MAP3K4: variants seen among roughly 807,000 people sequenced by gnomAD.
The protein encoded by MAP3K4 is mitogen-activated protein kinase kinase kinase 4.
Under a neutral mutation model 185.6 loss-of-function variants are expected in MAP3K4, and 67 were observed. The ratio of observed to expected loss-of-function variants is 0.36; its 90% CI spans 0.30 to 0.44. The LOEUF (loss-of-function observed/expected upper bound fraction) is 0.44, where lower values mean the gene tolerates loss of function less well. Ranked by LOEUF, MAP3K4 falls within the 20% of genes least tolerant of loss-of-function variation. MAP3K4 has a pLI of 1.00. For synonymous variants in MAP3K4, 702 were observed against 710.4 expected (o/e 0.99, Z 0.19); for missense variants, 1,551 against 1,995.1 (o/e 0.78, Z 4.24).
intron 1 of MAP3K4, among the ~76,000 whole-genome samples, chr6:160,999,967 T>C (rs904239286): frequency 6.6e-6 from 1 of 152,200 alleles, no homozygotes; most frequent in Non-Finnish European, 1.5e-5. Context: ...GAAGAGCCAA[T>C]GCTCAGAAAT....
intron 1 of MAP3K4, among the ~76,000 whole-genome samples, chr6:161,011,823 TG>T (rs1311131196): frequency 6.6e-6 from 1 of 152,202 alleles, no homozygotes; most frequent in Non-Finnish European, 1.5e-5. Context: ...AGTAGCTCAC[TG>T]CTGCAGTCCA....
At chr6:161,000,726 CACAT>C (rs555799332) in intron 1 of MAP3K4, among the ~76,000 whole-genome samples, 83 of 150,930 alleles carry the variant, frequency 5.5e-4, no homozygotes, top group African/African-American at 2.0e-3. Flanking sequence ...TATATACACA[CACAT>C]ACACACACAT....
At chr6:161,105,831 GT>G (rs953417215) in intron 19 of MAP3K4, among the ~76,000 whole-genome samples, 1 of 93,384 alleles carries the variant, frequency 1.1e-5, no homozygotes, top group Non-Finnish European at 2.1e-5. Context: ...AAGTTTTTTG[GT>G]TTTTTGTTTT....
intron 3 of MAP3K4, among the ~76,000 whole-genome samples, chr6:161,062,876 G>T (rs1031785883): frequency 7.9e-5 from 12 of 151,016 alleles, no homozygotes; most frequent in South Asian, 2.1e-4. Flanking sequence ...TAGTTTGTTT[G>T]TTTGTCAGTC....
Position 161,091,668 on chromosome 6 carries a change from A to G in MAP3K4, c.3135+128A>G, listed in dbSNP as rs1467437294. ...AGCTTAATCAAGAATATCATCTTAT[A>G]TCACTGCTGTATATCAGAGATGTTA... On this transcript the variant is annotated intron_variant, in intron 12 of 26. Coordinates refer to ENST00000392142, the MANE Select transcript of MAP3K4 (RefSeq NM_005922.4). The surrounding 1 kb of genome is among the most constrained non-coding windows in gnomAD (Gnocchi z 5.5). 3 of 807,626 alleles carry G rather than the reference A, an allele frequency of 3.7e-6. No individual in the cohort carries two copies. Among genetic ancestry groups the G allele is most frequent in the Non-Finnish European group, 5.9e-6 (3 of 508,106 alleles). 50.0% of individuals were successfully genotyped at this position (807,626 alleles called of 1,614,324 possible).
In MAP3K4 at chr6:161,048,959, A is replaced by G. The variant is rs1159946715; in HGVS notation, c.687A>G (p.Leu229=). 1 of 1,614,030 alleles carries G rather than the reference A, an allele frequency of 6.2e-7. No individual in the cohort carries two copies. The highest frequency in any genetic ancestry group is 1.7e-5 in the Admixed American group (1 of 59,968). ...PADRLKFFET[L]RLLLKLTSVS... ...ATCGTTTAAAGTTTTTTGAAACTTT[A>G]CGACTTTTGCTAAAGCTTACCTCAG... The change falls in exon 3 of 27, where the codon TTA becomes TTG. Residue 229 remains leucine, a synonymous_variant. Transcript: ENST00000392142. The surrounding 1 kb of genome is among the most constrained non-coding windows in gnomAD (Gnocchi z 4.7).
At chr6:161,010,042 C>G (rs1781776050) in intron 1 of MAP3K4, among the ~76,000 whole-genome samples, 2 of 152,148 alleles carry the variant, frequency 1.3e-5, no homozygotes, top group South Asian at 4.1e-4. Flanking sequence ...AGAAAAAGCT[C>G]TTAGTTTTAA....
intron 3 of MAP3K4, among the ~76,000 whole-genome samples, chr6:161,058,126 A>G (rs763909567): frequency 3.9e-5 from 6 of 152,258 alleles, no homozygotes; most frequent in Non-Finnish European, 5.9e-5. Flanking sequence ...CAGAGCCAGG[A>G]TATGAACCCA....
At chr6:161,105,598 C>T (rs554125899) in intron 19 of MAP3K4, among the ~76,000 whole-genome samples, 1 of 152,250 alleles carries the variant, frequency 6.6e-6, no homozygotes, top group East Asian at 1.9e-4. Context: ...ATTTCAGCTG[C>T]ACTGTGTGAG....
At chr6:161,090,258 C>G (rs1384301127) in intron 11 of MAP3K4, among the ~76,000 whole-genome samples, 2 of 152,162 alleles carry the variant, frequency 1.3e-5, no homozygotes, top group Non-Finnish European at 2.9e-5. Context: ...AGGGGATTGC[C>G]TGATGGAGAC....
chr6:161,039,279 C>CAAAAAAAAA (rs3050259), intron 2 of MAP3K4, among the ~76,000 whole-genome samples: 75 of 71,816 alleles, frequency 1.0e-3, no homozygotes, highest in Middle Eastern at 0.01. Flanking sequence ...CGCAAAAATG[C>CAAAAAAAAA]AAAAAAAAAA....
At chr6:160,992,286 G>T in intron 1 of MAP3K4, 1 of 637,126 alleles carries the variant, frequency 1.6e-6, no homozygotes, top group Non-Finnish European at 2.5e-6. Context: ...TCCCGGGGTT[G>T]CAGCTCCGCA....
chr6:161,041,926 CTTTTTT>C (rs869273927), intron 2 of MAP3K4, among the ~76,000 whole-genome samples: 1,311 of 45,220 alleles, frequency 0.029, 44 homozygotes, highest in African/African-American at 0.081. Flanking sequence ...TTTTTTTTTT[CTTTTTT>C]TTTTTTTTAG....
chr6:160,994,978 C>T (rs1438504403), intron 1 of MAP3K4, among the ~76,000 whole-genome samples: 2 of 152,182 alleles, frequency 1.3e-5, no homozygotes, highest in African/African-American at 2.4e-5. Context: ...GGATTACAGG[C>T]GTGAGCCACT....
rs990996308 is a variant in MAP3K4 at position 161,091,626 on chromosome 6, T to C, written c.3135+86T>C. On this transcript the variant is annotated intron_variant, in intron 12 of 26. Coordinates refer to ENST00000392142, the MANE Select transcript of MAP3K4 (RefSeq NM_005922.4). This position sits in a 1 kb window ranked among gnomAD's most constrained non-coding sequence, Gnocchi z 5.5. ...AGTTTTTGGAACCTTTTACAGTAAATCTGATATTGTAATCATAGCTTAATC... is the reference window on the plus strand; with the variant it reads ...AGTTTTTGGAACCTTTTACAGTAAACCTGATATTGTAATCATAGCTTAATC... The C allele has an allele frequency of 1.8e-6, 2 of 1,134,492 alleles. No homozygotes were observed. The highest frequency in any genetic ancestry group is 4.3e-5 in the Admixed American group (2 of 46,370). The allele number at this position is 1,134,492 out of a possible 1,614,324, so 70.3% of individuals were successfully genotyped here.
rs1785489273 is a variant in MAP3K4, at chr6:161,082,138, C to G, written c.2255+1100C>G. Among the ~76,000 whole-genome samples, 1 of 152,008 alleles carries G rather than the reference C, an allele frequency of 6.6e-6. No individual in the cohort carries two copies. Among genetic ancestry groups the G allele is most frequent in the Admixed American group, 6.6e-5 (1 of 15,260 alleles). On this transcript the variant is annotated intron_variant, in intron 6 of 26. Transcript: ENST00000392142. This position sits in a 1 kb window ranked among gnomAD's most constrained non-coding sequence, Gnocchi z 4.2. ...TTGGAGTGGACAGTGAACTTGCTCT[C>G]CTCTCATAACTCCATCCGTCAGGCT...
rs1051831417 is a variant in MAP3K4 at position 161,077,989 on chromosome 6, T to C, written c.2098-2892T>C. On this transcript the variant is annotated intron_variant, in intron 5 of 26. Coordinates refer to ENST00000392142, the MANE Select transcript of MAP3K4 (RefSeq NM_005922.4). The surrounding 1 kb of genome is among the most constrained non-coding windows in gnomAD (Gnocchi z 4.3). ...CTTTGGGATTAGGAGGAACAGTAGT[T>C]CCTCTGCTATAAAGAAGGGAGGAAG... Among the ~76,000 whole-genome samples the C allele has an allele frequency of 6.6e-6, 1 of 152,188 alleles. No homozygotes were observed. Among genetic ancestry groups the C allele is most frequent in the Non-Finnish European group, 1.5e-5 (1 of 68,044 alleles).
rs1229513486 is a variant in MAP3K4 at position 161,063,219 on chromosome 6, C to G, written c.1708-7389C>G. Among the ~76,000 whole-genome samples, 1 of 151,372 alleles carries G rather than the reference C, an allele frequency of 6.6e-6. No individual in the cohort carries two copies. The highest frequency in any genetic ancestry group is 2.4e-5 in the African/African-American group (1 of 41,220). On this transcript the variant is annotated intron_variant, in intron 3 of 26. Transcript: ENST00000392142. This position sits in a 1 kb window ranked among gnomAD's most constrained non-coding sequence, Gnocchi z 5.4. ...TATCACTGAGGTTTTTTTTCTAATTCTAATTTTTGTCATTATTTTATATTT... is the reference window on the plus strand; with the variant it reads ...TATCACTGAGGTTTTTTTTCTAATTGTAATTTTTGTCATTATTTTATATTT...
chr6:161,068,651 A>T (rs1265167093), intron 3 of MAP3K4, among the ~76,000 whole-genome samples: 2 of 152,230 alleles, frequency 1.3e-5, no homozygotes, highest in Non-Finnish European at 2.9e-5. Flanking sequence ...TCAGAAAAGC[A>T]GTTGAAGATC....
Sources: allele counts gnomAD v4.1 joint callset (sites outside exome capture counted in the v4.1 genomes callset), GRCh38; gene constraint gnomAD v4.1.1; non-coding constraint Gnocchi (gnomAD v3.1); transcripts MANE v1.5; gene names NCBI Gene and HGNC (gene_info 2026-07-23, HGNC 2026-07-21).